Variants in NALCN observed in about 807,000 individuals in gnomAD.
NALCN encodes sodium leak channel, non-selective.
A neutral mutation model predicts 225.3 loss-of-function variants in NALCN; 111 were observed. That is an observed-to-expected ratio of 0.49 (90% confidence interval 0.42 to 0.58). NALCN has a LOEUF of 0.58. Ranked by LOEUF, NALCN falls within the 20% of genes least tolerant of loss-of-function variation. The probability of loss-of-function intolerance (pLI) is 0.00; values close to 1 mark genes in which losing one functional copy is unlikely to be tolerated. For synonymous variants in NALCN, 764 were observed against 769.0 expected (o/e 0.99, Z 0.11); for missense variants, 1,378 against 2,202.4 (o/e 0.63, Z 7.49).
At chr13:101,114,437 C>G (rs2057501429) in intron 18 of NALCN, among the ~76,000 whole-genome samples, 1 of 152,084 alleles carries the variant, frequency 6.6e-6, no homozygotes, top group South Asian at 2.1e-4. Flanking sequence ...CTCTCTCTCT[C>G]TCTCTCTCTC....
chr13:101,056,318 C>T (rs181628530), intron 43 of NALCN, among the ~76,000 whole-genome samples: 10 of 131,558 alleles, frequency 7.6e-5, no homozygotes, highest in African/African-American at 2.3e-4. Context: ...AGGAGTGCAG[C>T]GGCACAATCT....
chr13:101,082,859 C>T lies in NALCN; in HGVS notation c.3715G>A (p.Val1239Ile), dbSNP rs770456318. ...ACAACTGACATTGTTGCCAAAGGTA[C>T]GGTCACCGGGTCCTCGACGTCCCAC... Reference protein sequence around the residue: ...VKWDVEDPVTVPLATMSVVFT... With the variant: ...VKWDVEDPVTIPLATMSVVFT... Residue 1239 changes from valine (V) to isoleucine (I), a missense_variant, in exon 33 of 44, where the codon GTA becomes ATA. Val to Ile is a conservative substitution (Grantham distance 29, BLOSUM62 3). Coordinates refer to ENST00000251127, the MANE Select transcript of NALCN (RefSeq NM_052867.4). 1.1e-5 allele frequency: 17 copies of T among 1,614,056 alleles called. No homozygotes were observed. Among genetic ancestry groups the T allele is most frequent in the South Asian group, 3.3e-5 (3 of 91,084 alleles).
intron 15 of NALCN, among the ~76,000 whole-genome samples, chr13:101,175,120 G>A (rs923599363): frequency 8.5e-5 from 13 of 152,164 alleles, no homozygotes; most frequent in African/African-American, 1.7e-4. Flanking sequence ...GTGAAAAGAC[G>A]GGGAAGAAAT....
At chr13:101,293,585 A>T (rs187920648) in intron 7 of NALCN, among the ~76,000 whole-genome samples, 1 of 152,342 alleles carries the variant, frequency 6.6e-6, no homozygotes, top group East Asian at 1.9e-4. Flanking sequence ...TTAAACTAGA[A>T]TGTGCATATG....
chr13:101,279,828 AAAT>A (rs1314940848), intron 10 of NALCN, among the ~76,000 whole-genome samples: 735 of 55,216 alleles, frequency 0.013, 8 homozygotes, highest in African/African-American at 0.033. Context: ...AAAAATAAAT[AAAT>A]AAATAAAATA....
intron 3 of NALCN, among the ~76,000 whole-genome samples, chr13:101,381,617 T>C (rs954858063): frequency 6.6e-6 from 1 of 152,148 alleles, no homozygotes; most frequent in Non-Finnish European, 1.5e-5. Context: ...CCTCCCTTAC[T>C]TCCTTCTTTC....
chr13:101,088,473 G>T (rs1201840035), intron 30 of NALCN, among the ~76,000 whole-genome samples: 2 of 152,172 alleles, frequency 1.3e-5, no homozygotes, highest in Non-Finnish European at 2.9e-5. Flanking sequence ...TGCCTTCGAA[G>T]AATCACAGAG....
Position 101,104,797 on chromosome 13 carries a change from G to A in NALCN, c.2636+97C>T. On this transcript the variant is annotated intron_variant, in intron 23 of 43. Coordinates refer to ENST00000251127, the MANE Select transcript of NALCN (RefSeq NM_052867.4). The surrounding 1 kb of genome is among the most constrained non-coding windows in gnomAD (Gnocchi z 4.2). ...ATCATCTATTTCATAGCACTATATAGCAAGAAAATAAAAGAGAATTTTAAT... is the reference window on the plus strand; with the variant it reads ...ATCATCTATTTCATAGCACTATATAACAAGAAAATAAAAGAGAATTTTAAT... The A allele has an allele frequency of 6.4e-7, 1 of 1,553,200 alleles. No homozygotes were observed. The highest frequency in any genetic ancestry group is 8.8e-7 in the Non-Finnish European group (1 of 1,130,450).
intron 7 of NALCN, among the ~76,000 whole-genome samples, chr13:101,302,780 T>C (rs1381298476): frequency 6.6e-6 from 1 of 152,208 alleles, no homozygotes; most frequent in Non-Finnish European, 1.5e-5. Flanking sequence ...CGTTTACATA[T>C]GTGAATAAAA....
intron 7 of NALCN, among the ~76,000 whole-genome samples, chr13:101,307,996 CATACGATTACTGAAATTCT>C (rs983381479): frequency 1.3e-5 from 2 of 152,110 alleles, no homozygotes; most frequent in Non-Finnish European, 2.9e-5. Flanking sequence ...TTGGATATTC[CATACGATTACTGAAATTCT>C]AACTATGGCT....
intron 7 of NALCN, among the ~76,000 whole-genome samples, chr13:101,311,726 G>A (rs1484443470): frequency 6.6e-6 from 1 of 152,126 alleles, no homozygotes; most frequent in African/African-American, 2.4e-5. Context: ...GATCATGGTG[G>A]ATAAGCTTTT....
chr13:101,335,989 A>C (rs1230260139), intron 7 of NALCN, among the ~76,000 whole-genome samples: 1 of 152,260 alleles, frequency 6.6e-6, no homozygotes, highest in Non-Finnish European at 1.5e-5. Context: ...GAATAAAAGT[A>C]ATTTTCTTTC....
At position 101,100,091 on chromosome 13, in the gene NALCN, G is replaced by T. The variant is rs117362512; in HGVS notation, c.3162+693C>A. Among the ~76,000 whole-genome samples the T allele has an allele frequency of 6.6e-4, 101 of 152,282 alleles. No individual in the cohort carries two copies. In the East Asian group the frequency reaches 0.019, roughly 28 times the overall value. On this transcript the variant is annotated intron_variant, in intron 27 of 43. Coordinates refer to ENST00000251127, the MANE Select transcript of NALCN (RefSeq NM_052867.4). The stretch of plus-strand genomic sequence containing the variant: ...AGTTTGGGTCTTTGTGGAGGTCCTT[G>T]TTGGTTGTCATAAAGAGGGAGATTC...
intron 11 of NALCN, among the ~76,000 whole-genome samples, chr13:101,257,539 A>G (rs1594542372): frequency 1.3e-5 from 2 of 152,192 alleles, no homozygotes; most frequent in East Asian, 3.8e-4. Flanking sequence ...TTATATGGCA[A>G]ATTGATTTTT....
At chr13:101,077,090 C>T (rs1368487601) in intron 34 of NALCN, among the ~76,000 whole-genome samples, 2 of 152,146 alleles carry the variant, frequency 1.3e-5, no homozygotes, top group Non-Finnish European at 2.9e-5. Context: ...ACTGGTCACT[C>T]ATACTTCTTC....
intron 10 of NALCN, among the ~76,000 whole-genome samples, chr13:101,266,291 T>TA (rs10693371): frequency 6.6e-6 from 1 of 151,494 alleles, no homozygotes; most frequent in Admixed American, 6.6e-5. Flanking sequence ...AGAAATCAGG[T>TA]GGAAGAGATT....
chr13:101,408,125 T>C (rs1024441948), intron 1 of NALCN, among the ~76,000 whole-genome samples: 3 of 152,212 alleles, frequency 2.0e-5, no homozygotes, highest in Admixed American at 6.5e-5. Context: ...AATACTTTGC[T>C]GTCCATGTCT....
intron 18 of NALCN, among the ~76,000 whole-genome samples, chr13:101,123,259 T>C (rs2036067924): frequency 6.6e-6 from 1 of 152,236 alleles, no homozygotes; most frequent in African/African-American, 2.4e-5. Flanking sequence ...CTGTAGTTCC[T>C]GACTTGGCAG....
chr13:101,083,916 ATGTTCTTCCAAC>A, intron 30 of NALCN, 112 bp from the exon 31 acceptor site: 1 of 896,884 alleles, frequency 1.1e-6, no homozygotes, highest in Non-Finnish European at 1.6e-6. Context: ...TGCACTGACC[ATGTTCTTCCAAC>A]CGTGGTGGTG....
Sources: gnomAD v4.1 joint callset for allele counts (sites outside exome capture counted in the v4.1 genomes callset) on GRCh38, gnomAD v4.1.1 for gene constraint, Gnocchi (gnomAD v3.1) non-coding constraint, MANE v1.5 for transcripts, NCBI Gene and HGNC (gene_info 2026-07-23, HGNC 2026-07-21) for gene names.